Variants in MIB2 observed in about 807,000 individuals in gnomAD.
MIB2 encodes the protein E3 ubiquitin-protein ligase MIB2.
A neutral mutation model predicts 96.6 loss-of-function variants in MIB2; 78 were observed. The observed-to-expected ratio is 0.81, with a 90% CI of 0.67 to 0.97. The LOEUF (loss-of-function observed/expected upper bound fraction) is 0.97. Ranked by LOEUF, MIB2 falls within the 50% of genes least tolerant of loss-of-function variation. The probability of loss-of-function intolerance (pLI) is 0.00; values close to 1 mark genes in which losing one functional copy is unlikely to be tolerated. For missense variants in MIB2, 1,543 were observed against 1,424.0 expected (o/e 1.08, Z -1.35); for synonymous variants, 820 against 629.5 (o/e 1.30, Z -4.53).
At position 1,629,535 on chromosome 1, in the gene MIB2, C is replaced by T. The variant is rs1399253272; in HGVS notation, c.2532C>T (p.Phe844=). The change falls in exon 18 of 20, where the codon TTC becomes TTT. Residue 844 remains phenylalanine, a synonymous_variant. Coordinates refer to ENST00000355826, the MANE Select transcript of MIB2 (RefSeq NM_001170687.4). ...CCGAGCTGGCGCTGCTGGTGCTGTTCTCGCCGTGCCAGCACCGCACCGTGT... is the reference window on the plus strand; with the variant it reads ...CCGAGCTGGCGCTGCTGGTGCTGTTTTCGCCGTGCCAGCACCGCACCGTGT... The part of the protein sequence containing the change: ...VCSELALLVL[F]SPCQHRTVCE... 2.6e-6 allele frequency: 4 copies of T among 1,545,430 alleles called. No homozygotes were observed. Among genetic ancestry groups the T allele is most frequent in the East Asian group, 2.4e-5 (1 of 40,828 alleles).
chr1:1,617,005 G>A (rs557472377), intron 2 of MIB2: 1 of 224,872 alleles, frequency 4.4e-6, no homozygotes, highest in Non-Finnish European at 9.0e-6. Context: ...CAGCCTGCAG[G>A]GTGCCTGTAG....
rs554043753 is a variant in MIB2, at chr1:1,625,761, C to T, written c.972+108C>T. 1.9e-4 allele frequency: 163 copies of T among 872,778 alleles called. No individual in the cohort carries two copies. Among genetic ancestry groups the T allele is most frequent in the African/African-American group, 1.1e-3 (69 of 60,104 alleles). 54.1% of individuals were successfully genotyped at this position (872,778 alleles called of 1,614,324 possible). ...AGGACTAGGGTGCCAGCTGCACCCA[C>T]GAGTCCCCAGCCCTGAAGGAAGGGG... On this transcript the variant is annotated intron_variant, in intron 8 of 19. Transcript: ENST00000355826. The surrounding 1 kb of genome is among the most constrained non-coding windows in gnomAD (Gnocchi z 5.0).
rs909482496 is a variant in MIB2, at chr1:1,628,638, C to T, written c.2118C>T (p.His706=). 1.3e-5 allele frequency: 20 copies of T among 1,595,362 alleles called. No individual in the cohort carries two copies. Among genetic ancestry groups the T allele is most frequent in the Non-Finnish European group, 1.5e-5 (18 of 1,174,632 alleles). ...AEDEEGDTAL[H]VALQRHQLLP... is the part of the protein sequence containing the mutation. The stretch of plus-strand genomic sequence containing the variant: ...ACGAGGAGGGGGACACAGCCCTGCA[C>T]GTGGCGCTGCAGCGTCATCAGCTGC... Residue 706 remains histidine, a synonymous_variant, in exon 16 of 20, where the codon CAC becomes CAT. Coordinates refer to ENST00000355826, the MANE Select transcript of MIB2 (RefSeq NM_001170687.4).
At position 1,625,652 on chromosome 1, in the gene MIB2, A is replaced by C; in HGVS notation, c.971A>C (p.Lys324Thr). The C allele has an allele frequency of 6.4e-7, 1 of 1,554,540 alleles. No homozygotes were observed. Among genetic ancestry groups the C allele is most frequent in the South Asian group, 1.2e-5 (1 of 84,290 alleles). The change falls in exon 8 of 20, where the codon AAG (lysine) becomes ACG (threonine). Residue 324 changes from lysine to threonine, a missense_variant and splice_region_variant. Transcript: ENST00000355826. The surrounding 1 kb of genome is among the most constrained non-coding windows in gnomAD (Gnocchi z 5.0). ...RWTFHPGALT[K>T]HHSFWVGDVV... Reference sequence around the variant, plus strand: ...ACCTTCCACCCCGGGGCGCTCACCAAGGTGCCGGGGGGGCTGGGCTGCGCC... The same window carrying C: ...ACCTTCCACCCCGGGGCGCTCACCACGGTGCCGGGGGGGCTGGGCTGCGCC...
chr1:1,616,403 G>T (rs1643684318), intron 1 of MIB2, 105 bp from the exon 2 acceptor site: 3 of 819,238 alleles, frequency 3.7e-6, no homozygotes, highest in Non-Finnish European at 5.5e-6. Flanking sequence ...GCGGCCGTGG[G>T]CCCGAGTGGA....
rs1644722129 is a variant in MIB2, at chr1:1,625,980, T to TGTATGGGGGC, written c.972+328_972+337dup. 3 of 353,242 alleles carry TGTATGGGGGC rather than the reference T, an allele frequency of 8.5e-6. No homozygotes were observed. The South Asian group carries it at 1.1e-4, about 14-fold the overall frequency. The allele number at this position is 353,242 out of a possible 1,614,324, so 21.9% of individuals were successfully genotyped here. A position where few individuals can be genotyped will look rare whatever the true frequency, so the allele number is the denominator to read the frequency against. On this transcript the variant is annotated intron_variant, in intron 8 of 19. Transcript: ENST00000355826. This position sits in a 1 kb window ranked among gnomAD's most constrained non-coding sequence, Gnocchi z 5.0. ...GGGCTAAGATGCTCCTGGTTAGTGC[T>TGTATGGGGGC]GTATGGGGGCCGATGGGGGTGGCTG...
In MIB2 at chr1:1,625,983, A is replaced by C; in HGVS notation, c.972+330A>C. ...CTAAGATGCTCCTGGTTAGTGCTGT[A>C]TGGGGGCCGATGGGGGTGGCTGGTT... On this transcript the variant is annotated intron_variant, in intron 8 of 19. Transcript: ENST00000355826. The surrounding 1 kb of genome is among the most constrained non-coding windows in gnomAD (Gnocchi z 5.0). 2.0e-5 allele frequency: 6 copies of C among 303,246 alleles called. No individual in the cohort carries two copies. Among genetic ancestry groups the C allele is most frequent in the East Asian group, 6.9e-5 (1 of 14,396 alleles). 18.8% of individuals were successfully genotyped at this position (303,246 alleles called of 1,614,324 possible). A position where few individuals can be genotyped will look rare whatever the true frequency, so the allele number is the denominator to read the frequency against.
upstream of MIB2, chr1:1,614,024 C>G (rs1189401336): frequency 2.6e-5 from 4 of 151,700 alleles, no homozygotes. Flanking sequence ...TAGTAAAAAG[C>G]TAGATATGTG....
Position 1,629,425 on chromosome 1 carries a change from C to A in MIB2, c.2422C>A (p.Gln808Lys). The A allele has an allele frequency of 6.7e-7, 1 of 1,493,380 alleles. No homozygotes were observed. The highest frequency in any genetic ancestry group is 8.8e-7 in the Non-Finnish European group (1 of 1,131,018). 92.5% of individuals were successfully genotyped at this position (1,493,380 alleles called of 1,614,324 possible). A position where few individuals can be genotyped will look rare whatever the true frequency, so the allele number is the denominator to read the frequency against. ...AGGGAAPGPRQTLGTPNTVTN... is the reference protein window; with the variant it reads ...AGGGAAPGPRKTLGTPNTVTN... ...CGGGGGCGCGGCCCCGGGCCCCAGG[C>A]AAACGCTCGGGACCCCCAACACCGT... The change falls in exon 18 of 20, where the codon CAA (glutamine) becomes AAA (lysine). Residue 808 changes from glutamine to lysine, a missense_variant. By Grantham distance (53) the Gln-to-Lys change is moderately conservative. Coordinates refer to ENST00000355826, the MANE Select transcript of MIB2 (RefSeq NM_001170687.4).
rs765580222 is a variant in MIB2, at chr1:1,615,583, C to T, written c.-180C>T. 3.7e-5 allele frequency: 57 copies of T among 1,549,930 alleles called. No individual in the cohort carries two copies. Among genetic ancestry groups the T allele is most frequent in the Non-Finnish European group, 4.9e-5 (56 of 1,151,822 alleles). ...GGGCCTGGGAGCCCGAAGCCGTCCC[C>T]GAGTCGCTCCTAGGTCACTGGCGCG... is the stretch of plus-strand genomic sequence containing the variant. On this transcript the variant is annotated 5_prime_UTR_variant, in exon 1 of 20. Coordinates refer to ENST00000355826, the MANE Select transcript of MIB2 (RefSeq NM_001170687.4).
chr1:1,630,567 G>C lies in MIB2; in HGVS notation c.*37G>C, dbSNP rs778549663. 1 of 1,447,014 alleles carries C rather than the reference G, an allele frequency of 6.9e-7. No individual in the cohort carries two copies. Among genetic ancestry groups the C allele is most frequent in the African/African-American group, 1.5e-5 (1 of 68,688 alleles). 89.6% of individuals were successfully genotyped at this position (1,447,014 alleles called of 1,614,324 possible). On this transcript the variant is annotated 3_prime_UTR_variant, in exon 20 of 20. Coordinates refer to ENST00000355826, the MANE Select transcript of MIB2 (RefSeq NM_001170687.4). ...CGCCGCGCCCGAGCTGCCTTCGCGT[G>C]CCCCCGCCCTGTGTTTTATAAAAAG...
At chr1:1,615,477 G>A, upstream of MIB2, 3 of 1,521,714 alleles carry the variant, frequency 2.0e-6, no homozygotes, top group Non-Finnish European at 2.6e-6. Flanking sequence ...GGGCGCTCCG[G>A]CGGGGGCGGG....
Position 1,629,378 on chromosome 1 carries a change from C to A in MIB2, c.2382-7C>A, listed in dbSNP as rs776511018. On this transcript the variant is annotated splice_polypyrimidine_tract_variant and splice_region_variant and intron_variant, in intron 17 of 19. Coordinates refer to ENST00000355826, the MANE Select transcript of MIB2 (RefSeq NM_001170687.4). ...GGCCCCTCTCAAGCCGCCTCCTCCCCCTGCAGGGAGCGGCAGGCGGGCGGG... is the reference window on the plus strand; with the variant it reads ...GGCCCCTCTCAAGCCGCCTCCTCCCACTGCAGGGAGCGGCAGGCGGGCGGG... 9 of 1,449,112 alleles carry A rather than the reference C, an allele frequency of 6.2e-6. No individual in the cohort carries two copies. In the Admixed American group the frequency reaches 2.3e-4, roughly 37 times the overall value. The allele number at this position is 1,449,112 out of a possible 1,614,324, so 89.8% of individuals were successfully genotyped here. A position where few individuals can be genotyped will look rare whatever the true frequency, so the allele number is the denominator to read the frequency against.
chr1:1,615,274 C>G, upstream of MIB2: 2 of 1,242,614 alleles, frequency 1.6e-6, no homozygotes, highest in Non-Finnish European at 2.1e-6. Flanking sequence ...CCAGCGAGCG[C>G]GACGTCGCTC....
rs1159738755 is a variant in MIB2 at position 1,629,366 on chromosome 1, C to A, written c.2382-19C>A. On this transcript the variant is annotated intron_variant, in intron 17 of 19. Coordinates refer to ENST00000355826, the MANE Select transcript of MIB2 (RefSeq NM_001170687.4). ...CGGCGGCCTCCGGGCCCCTCTCAAGCCGCCTCCTCCCCCTGCAGGGAGCGG... is the reference window on the plus strand; with the variant it reads ...CGGCGGCCTCCGGGCCCCTCTCAAGACGCCTCCTCCCCCTGCAGGGAGCGG... 5 of 1,435,822 alleles carry A rather than the reference C, an allele frequency of 3.5e-6. No individual in the cohort carries two copies. The East Asian group carries it at 1.4e-4, about 40-fold the overall frequency. 88.9% of individuals were successfully genotyped at this position (1,435,822 alleles called of 1,614,324 possible).
upstream of MIB2, chr1:1,614,802 G>A (rs574425691): frequency 6.6e-6 from 1 of 152,606 alleles, no homozygotes; most frequent in African/African-American, 2.4e-5. Flanking sequence ...AGATCACGAG[G>A]TCAGGAGTTC....
chr1:1,629,152 C>G lies in MIB2; in HGVS notation c.2222C>G (p.Pro741Arg). ...LLSRLQASGL[P>R]GSAELTVGAA... is the part of the protein sequence containing the mutation. ...GCCCAGCTACAGGCCTCGGGCCTCC[C>G]CGGCAGCGCGGAGCTGACGGTGGGC... is the stretch of plus-strand genomic sequence containing the variant. Residue 741 changes from proline (P) to arginine (R), a missense_variant, in exon 17 of 20, where the codon CCC (proline) becomes CGC (arginine). Coordinates refer to ENST00000355826, the MANE Select transcript of MIB2 (RefSeq NM_001170687.4). The G allele has an allele frequency of 1.3e-6, 2 of 1,498,486 alleles. No homozygotes were observed. The highest frequency in any genetic ancestry group is 2.2e-4 in the Middle Eastern group (1 of 4,552). 92.8% of individuals were successfully genotyped at this position (1,498,486 alleles called of 1,614,324 possible).
intron 1 of MIB2, chr1:1,616,047 G>C (rs1418035931): frequency 7.1e-6 from 7 of 984,178 alleles, no homozygotes; most frequent in Non-Finnish European, 7.2e-6. Context: ...GCGGTCCCGC[G>C]CCCCCGAGCG....
rs2100273852 is a variant in MIB2, at chr1:1,615,898, G to A, written c.-130+265G>A. 5.8e-6 allele frequency: 6 copies of A among 1,028,716 alleles called. No individual in the cohort carries two copies. The South Asian group carries it at 2.2e-4, about 38-fold the overall frequency. The allele number at this position is 1,028,716 out of a possible 1,614,324, so 63.7% of individuals were successfully genotyped here. ...CGCGGCCCGGGGCCAGCGGCGCTGG[G>A]GTCGGCGCTGGGGTCGTCGTCCGGG... On this transcript the variant is annotated intron_variant, in intron 1 of 19. Transcript: ENST00000355826.
Sources: gnomAD v4.1 joint callset for allele counts on GRCh38, gnomAD v4.1.1 for gene constraint, Gnocchi (gnomAD v3.1) non-coding constraint, MANE v1.5 for transcripts, NCBI Gene and HGNC (gene_info 2026-07-23, HGNC 2026-07-21) for gene names.